NRCAM: variants seen among roughly 807,000 people sequenced by gnomAD.
NRCAM encodes NgCAM-related cell adhesion molecule.
NRCAM carries 83 observed loss-of-function variants against 156.5 expected under a neutral mutation model. The observed-to-expected ratio is 0.53, with a 90% confidence interval of 0.44 to 0.64. NRCAM has a LOEUF of 0.64. Ranked by LOEUF, NRCAM falls within the 30% of genes least tolerant of loss-of-function variation. NRCAM has a pLI of 0.00. For missense variants in NRCAM, 1,417 were observed against 1,597.3 expected (o/e 0.89, Z 1.92); for synonymous variants, 538 against 563.9 (o/e 0.95, Z 0.65).
intron 1 of NRCAM, among the ~76,000 whole-genome samples, chr7:108,448,221 G>A (rs1016740138): frequency 1.2e-4 from 18 of 152,244 alleles, no homozygotes; most frequent in African/African-American, 3.4e-4. Context: ...ACAACATGTC[G>A]TGTAAGTTAA....
intron 30 of NRCAM, among the ~76,000 whole-genome samples, chr7:108,163,098 G>A (rs1019592539): frequency 2.0e-5 from 3 of 151,932 alleles, no homozygotes; most frequent in Admixed American, 6.6e-5. Context: ...TTCAGTGGGT[G>A]GATATCACCC....
At chr7:108,265,768 C>CA (rs1375303099) in intron 3 of NRCAM, among the ~76,000 whole-genome samples, 2 of 152,188 alleles carry the variant, frequency 1.3e-5, no homozygotes, top group Admixed American at 6.5e-5. Context: ...CCAGAATTCA[C>CA]AAAAAACTGT....
chr7:108,198,802 G>A (rs2076462447), intron 13 of NRCAM, among the ~76,000 whole-genome samples: 1 of 152,168 alleles, frequency 6.6e-6, no homozygotes, highest in Admixed American at 6.5e-5. Flanking sequence ...AATAAATTGT[G>A]TAAATTCCTC....
chr7:108,318,891 A>C (rs1458723489), intron 2 of NRCAM, among the ~76,000 whole-genome samples: 4 of 152,232 alleles, frequency 2.6e-5, no homozygotes, highest in Admixed American at 1.3e-4. Context: ...AGGAAGCAAA[A>C]GCAGTTCATG....
chr7:108,441,794 A>G (rs1397476729), intron 1 of NRCAM, among the ~76,000 whole-genome samples: 1 of 152,236 alleles, frequency 6.6e-6, no homozygotes, highest in Non-Finnish European at 1.5e-5. Flanking sequence ...TTTGAAAAGA[A>G]AGTTTTACAT....
chr7:108,341,875 T>A (rs2099282344), intron 2 of NRCAM, among the ~76,000 whole-genome samples: 1 of 152,216 alleles, frequency 6.6e-6, no homozygotes, highest in African/African-American at 2.4e-5. Flanking sequence ...GGATTATCAG[T>A]GAGGCCGTTG....
intron 3 of NRCAM, among the ~76,000 whole-genome samples, chr7:108,278,831 A>G (rs1428755000): frequency 2.0e-5 from 3 of 152,170 alleles, no homozygotes; most frequent in Non-Finnish European, 4.4e-5. Flanking sequence ...TGCAGAAATC[A>G]TCGTCTTCTG....
chr7:108,352,032 A>G (rs1594751422), intron 2 of NRCAM, among the ~76,000 whole-genome samples: 1 of 152,310 alleles, frequency 6.6e-6, no homozygotes, highest in East Asian at 1.9e-4. Flanking sequence ...TCACTCCCTG[A>G]CTGCAGAGTC....
At chr7:108,219,218 A>C (rs1264291144) in intron 11 of NRCAM, among the ~76,000 whole-genome samples, 2 of 151,034 alleles carry the variant, frequency 1.3e-5, no homozygotes, top group African/African-American at 2.5e-5. Flanking sequence ...TAGTAATTAA[A>C]AAATTACCAA....
intron 2 of NRCAM, among the ~76,000 whole-genome samples, chr7:108,347,540 C>T (rs1312677640): frequency 6.6e-6 from 1 of 152,108 alleles, no homozygotes; most frequent in African/African-American, 2.4e-5. Context: ...TCCTGGATTC[C>T]ATTTCAAATT....
rs116272006 is a variant in NRCAM at position 108,393,819 on chromosome 7, G to T, written c.-174+5617C>A. Among the ~76,000 whole-genome samples, 180 of 152,310 alleles carry T rather than the reference G, an allele frequency of 1.2e-3. 2 individuals are homozygous for T. Among genetic ancestry groups the T allele is most frequent in the African/African-American group, 4.1e-3 (171 of 41,558 alleles). On this transcript the variant is annotated intron_variant, in intron 2 of 32. Transcript: ENST00000379028. ...AGCCAGTACCTTATCACAGTACTATGAAGATAGGTAATCCCATCCTCATAC... is the reference window on the plus strand; with the variant it reads ...AGCCAGTACCTTATCACAGTACTATTAAGATAGGTAATCCCATCCTCATAC...
intron 13 of NRCAM, among the ~76,000 whole-genome samples, chr7:108,199,273 A>G (rs998197187): frequency 1.3e-5 from 2 of 152,196 alleles, no homozygotes; most frequent in African/African-American, 2.4e-5. Flanking sequence ...TCTGTGGTTT[A>G]TTAACCCACT....
At chr7:108,232,079 T>C (rs1589297595) in intron 7 of NRCAM, among the ~76,000 whole-genome samples, 2 of 123,874 alleles carry the variant, frequency 1.6e-5, no homozygotes, top group African/African-American at 7.1e-5. Context: ...GAAGAAACAC[T>C]TTTTTTTTTT....
intron 1 of NRCAM, among the ~76,000 whole-genome samples, chr7:108,452,237 GA>G (rs1476609050): frequency 6.6e-6 from 1 of 152,200 alleles, no homozygotes; most frequent in African/African-American, 2.4e-5. Flanking sequence ...GGGAATTGGG[GA>G]GATGAGATGT....
intron 2 of NRCAM, among the ~76,000 whole-genome samples, chr7:108,387,763 G>A (rs1254331520): frequency 6.9e-6 from 1 of 145,544 alleles, no homozygotes; most frequent in Non-Finnish European, 1.5e-5. Flanking sequence ...CTGTGTCCAA[G>A]TGTTCTCATT....
chr7:108,258,133 G>A (rs770599413), intron 3 of NRCAM, among the ~76,000 whole-genome samples: 27 of 152,182 alleles, frequency 1.8e-4, no homozygotes, highest in Admixed American at 1.7e-3. Flanking sequence ...GGCTGTCTGT[G>A]TGCTCTGATG....
At chr7:108,388,355 T>G (rs141340074) in intron 2 of NRCAM, among the ~76,000 whole-genome samples, 3,061 of 152,342 alleles carry the variant, frequency 0.02, 57 homozygotes, top group Non-Finnish European at 0.031. Flanking sequence ...CAAAAATGTC[T>G]TCTTTTGAGA....
At chr7:108,331,512 C>T (rs1593740697) in intron 2 of NRCAM, among the ~76,000 whole-genome samples, 2 of 152,014 alleles carry the variant, frequency 1.3e-5, no homozygotes, top group South Asian at 4.2e-4. Context: ...GTATATTTGC[C>T]CTTGTGCCTC....
At chr7:108,310,467 G>T (rs2098788032) in intron 3 of NRCAM, among the ~76,000 whole-genome samples, 1 of 152,132 alleles carries the variant, frequency 6.6e-6, no homozygotes, top group Non-Finnish European at 1.5e-5. Flanking sequence ...CAGACAGAGG[G>T]CACTTCCCAA....
Sources: allele counts gnomAD v4.1 joint callset (sites outside exome capture counted in the v4.1 genomes callset), GRCh38; gene constraint gnomAD v4.1.1; transcripts MANE v1.5; gene names NCBI Gene and HGNC (gene_info 2026-07-23, HGNC 2026-07-21).